TGFBR3: variants seen among roughly 807,000 people sequenced by gnomAD.
The protein encoded by TGFBR3 is transforming growth factor beta receptor 3, also known as transforming growth factor beta receptor type 3.
TGFBR3 carries 46 observed loss-of-function variants against 87.9 expected under a neutral mutation model. The observed-to-expected ratio is 0.52, with a 90% CI of 0.41 to 0.67. TGFBR3 has a LOEUF of 0.67. TGFBR3 is among the 30% of genes least tolerant of loss of function. TGFBR3 has a pLI of 0.00. For missense variants in TGFBR3, 866 were observed against 1,041.9 expected (o/e 0.83, Z 2.32); for synonymous variants, 381 against 391.6 (o/e 0.97, Z 0.32).
intron 2 of TGFBR3, among the ~76,000 whole-genome samples, chr1:91,855,654 A>G (rs2101164234): frequency 6.6e-6 from 1 of 152,368 alleles, no homozygotes; most frequent in Non-Finnish European, 1.5e-5. Context: ...CAGAACTAGA[A>G]TAATAAATGA....
At chr1:91,755,030 C>T (rs1488858468) in intron 4 of TGFBR3, 2 of 152,202 alleles carry the variant, frequency 1.3e-5, no homozygotes, top group Non-Finnish European at 2.9e-5. Flanking sequence ...GACCCATTCG[C>T]TTTCCACAGC....
chr1:91,892,735 A>G (rs1332660796), intron 2 of TGFBR3, among the ~76,000 whole-genome samples: 1 of 152,104 alleles, frequency 6.6e-6, no homozygotes, highest in Non-Finnish European at 1.5e-5. Flanking sequence ...AACATGTATC[A>G]TTTTTACCAA....
chr1:91,854,249 C>T (rs1677853969), intron 2 of TGFBR3, among the ~76,000 whole-genome samples: 1 of 152,138 alleles, frequency 6.6e-6, no homozygotes, highest in African/African-American at 2.4e-5. Flanking sequence ...GTAGAGGTGA[C>T]CCCCACTCAC....
chr1:91,877,125 C>T (rs377708941), intron 1 of TGFBR3, among the ~76,000 whole-genome samples: 2 of 152,056 alleles, frequency 1.3e-5, no homozygotes, highest in South Asian at 2.1e-4. Flanking sequence ...AAAGAAAACA[C>T]GTAAATCCCC....
intron 2 of TGFBR3, among the ~76,000 whole-genome samples, chr1:91,813,729 G>A (rs935955306): frequency 2.0e-5 from 3 of 152,242 alleles, no homozygotes; most frequent in South Asian, 4.2e-4. Flanking sequence ...AACACCTAAC[G>A]GGGCCACCCA....
At chr1:91,729,758 T>A in intron 6 of TGFBR3, 47 bp downstream of exon 6, 8 of 1,608,784 alleles carry the variant, frequency 5.0e-6, no homozygotes, top group Non-Finnish European at 6.0e-6. Context: ...TCAAGGAAGA[T>A]CTTTACTTTC....
At chr1:91,747,368 G>A (rs1402417242) in intron 4 of TGFBR3, among the ~76,000 whole-genome samples, 2 of 152,210 alleles carry the variant, frequency 1.3e-5, no homozygotes, top group Non-Finnish European at 2.9e-5. Context: ...AGGCAAAGCA[G>A]GGGGCTCCCA....
intron 3 of TGFBR3, among the ~76,000 whole-genome samples, chr1:91,783,883 A>G (rs1674863489): frequency 6.6e-6 from 1 of 152,214 alleles, no homozygotes; most frequent in Admixed American, 6.5e-5. Context: ...ATCAAAGTTA[A>G]TTAATTCCAG....
chr1:91,905,659 G>A (rs745690269), intron 1 of TGFBR3, among the ~76,000 whole-genome samples: 1 of 152,028 alleles, frequency 6.6e-6, no homozygotes, highest in African/African-American at 2.4e-5. Flanking sequence ...GCCTCCCAAA[G>A]TGCTGGGATT....
chr1:91,778,705 T>C (rs566396014), intron 3 of TGFBR3, among the ~76,000 whole-genome samples: 5 of 152,354 alleles, frequency 3.3e-5, no homozygotes, highest in South Asian at 4.1e-4. Flanking sequence ...CTGCTTACTA[T>C]GTAGTGGGCA....
intron 3 of TGFBR3, among the ~76,000 whole-genome samples, chr1:91,795,883 T>C (rs986897456): frequency 6.6e-6 from 1 of 152,204 alleles, no homozygotes. Context: ...AAAGGTTAGA[T>C]GATCTGTCTT....
intron 11 of TGFBR3, 60 bp from the exon 12 acceptor site, chr1:91,716,454 A>G: frequency 1.9e-6 from 3 of 1,613,756 alleles, no homozygotes; most frequent in Non-Finnish European, 2.5e-6. Flanking sequence ...AAGGCCCTGT[A>G]GCTTCATGAG....
At chr1:91,850,112 A>G (rs1302768956) in intron 2 of TGFBR3, among the ~76,000 whole-genome samples, 2 of 151,406 alleles carry the variant, frequency 1.3e-5, no homozygotes, top group East Asian at 3.9e-4. Flanking sequence ...AAAGAAAGAA[A>G]AAGAAAAAAA....
intron 2 of TGFBR3, among the ~76,000 whole-genome samples, chr1:91,835,316 T>C (rs1055953812): frequency 1.3e-5 from 2 of 152,216 alleles, no homozygotes; most frequent in Non-Finnish European, 2.9e-5. Flanking sequence ...AGATGGGTTA[T>C]TTGTTAGACA....
intron 14 of TGFBR3, among the ~76,000 whole-genome samples, chr1:91,702,287 A>T (rs1001904330): frequency 6.6e-6 from 1 of 152,194 alleles, no homozygotes; most frequent in Non-Finnish European, 1.5e-5. Context: ...AATATCACGT[A>T]TATTTTATTC....
At chr1:91,896,491 G>C (rs184777445) in intron 2 of TGFBR3, among the ~76,000 whole-genome samples, 1 of 152,158 alleles carries the variant, frequency 6.6e-6, no homozygotes, top group Admixed American at 6.5e-5. Context: ...TCCAGGCAGG[G>C]AGCAAGTATG....
intron 1 of TGFBR3, among the ~76,000 whole-genome samples, chr1:91,903,131 G>A (rs536183007): frequency 6.6e-6 from 1 of 151,370 alleles, no homozygotes; most frequent in African/African-American, 2.4e-5. Flanking sequence ...CTGAGGTTGG[G>A]AGTTTGAGAC....
At chr1:91,824,512 T>C (rs903850694) in intron 2 of TGFBR3, among the ~76,000 whole-genome samples, 1 of 152,220 alleles carries the variant, frequency 6.6e-6, no homozygotes, top group Non-Finnish European at 1.5e-5. Flanking sequence ...TGACATGCCA[T>C]GGGTGCCCAT....
In TGFBR3 at chr1:91,797,185, CT is replaced by C. The variant is rs1675421707; in HGVS notation, c.246+101del. 4.0e-6 allele frequency: 5 copies of C among 1,258,616 alleles called. No individual in the cohort carries two copies. In the East Asian group the frequency reaches 1.2e-4, roughly 29 times the overall value. 78.0% of individuals were successfully genotyped at this position (1,258,616 alleles called of 1,614,324 possible). ...CTGTTCTCTTATGTTCATACATGAG[CT>C]TCTTTTGTTGAACCCCAGAAGAGAA... On this transcript the variant is annotated intron_variant, in intron 3 of 16. Transcript: ENST00000212355.
Sources: gnomAD v4.1 joint callset for allele counts (sites outside exome capture counted in the v4.1 genomes callset) on GRCh38, gnomAD v4.1.1 for gene constraint, MANE v1.5 for transcripts, NCBI Gene and HGNC (gene_info 2026-07-23, HGNC 2026-07-21) for gene names.